LPA: variants seen among roughly 807,000 people sequenced by gnomAD.
The protein encoded by LPA is apolipoprotein(a).
LPA carries 199 observed loss-of-function variants against 197.9 expected under a neutral mutation model. The observed-to-expected ratio is 1.01, with a 90% CI of 0.90 to 1.13. LPA has a LOEUF of 1.13. Among genes scored for constraint, LPA ranks in the 50% most tolerant of loss-of-function variants. The probability of loss-of-function intolerance (pLI) is 0.00; values close to 1 mark genes in which losing one functional copy is unlikely to be tolerated. For missense variants in LPA, 1,853 were observed against 1,785.8 expected (o/e 1.04, Z -0.68); for synonymous variants, 715 against 639.5 (o/e 1.12, Z -1.78).
At chr6:160,581,670 G>A (rs1007241875) in intron 26 of LPA, among the ~76,000 whole-genome samples, 1 of 152,024 alleles carries the variant, frequency 6.6e-6, no homozygotes, top group Admixed American at 6.6e-5. Context: ...ACAAACTTGT[G>A]ATTTTATTCC....
intron 35 of LPA, among the ~76,000 whole-genome samples, chr6:160,540,842 T>G (rs1385015036): frequency 6.6e-6 from 1 of 152,230 alleles, no homozygotes; most frequent in East Asian, 1.9e-4. Flanking sequence ...TCCTGCGGTT[T>G]ATACAGGTCC....
intron 2 of LPA, among the ~76,000 whole-genome samples, chr6:160,648,683 A>G (rs1779949825): frequency 1.3e-5 from 2 of 152,036 alleles, no homozygotes; most frequent in Admixed American, 6.6e-5. Flanking sequence ...TTCTTCTGAA[A>G]TGTCTAACTA....
At chr6:160,609,422 G>A (rs997061812) in intron 16 of LPA, among the ~76,000 whole-genome samples, 2 of 152,096 alleles carry the variant, frequency 1.3e-5, no homozygotes, top group Non-Finnish European at 2.9e-5. Flanking sequence ...ACTCTAGGAA[G>A]ACACAGCTCT....
At chr6:160,654,527 A>G (rs1434231984) in intron 1 of LPA, among the ~76,000 whole-genome samples, 1 of 152,140 alleles carries the variant, frequency 6.6e-6, no homozygotes, top group Non-Finnish European at 1.5e-5. Context: ...CTCCTTGTCA[A>G]CTTGAACCCA....
intron 20 of LPA, among the ~76,000 whole-genome samples, chr6:160,597,843 G>A (rs1205133026): frequency 6.6e-6 from 1 of 152,160 alleles, no homozygotes; most frequent in Admixed American, 6.6e-5. Context: ...GTGTAGTAAA[G>A]TTATAAATTT....
intron 30 of LPA, among the ~76,000 whole-genome samples, chr6:160,552,807 TG>T (rs1322325760): frequency 6.6e-6 from 1 of 152,252 alleles, no homozygotes; most frequent in Non-Finnish European, 1.5e-5. Flanking sequence ...GCCTTTTATT[TG>T]TAATGCTTAA....
chr6:160,556,205 G>A lies in LPA; in HGVS notation c.4814-21C>T, dbSNP rs998636751. On this transcript the variant is annotated intron_variant, in intron 29 of 38. Transcript: ENST00000316300. ...TGGTGCTGAAAATAGACAAAATCAA[G>A]CTGAGTAACTACTAGTATGCAGAAA... 5 of 1,612,918 alleles carry A rather than the reference G, an allele frequency of 3.1e-6. No individual in the cohort carries two copies. In the African/African-American group the frequency reaches 6.7e-5, roughly 22 times the overall value.
intron 18 of LPA, among the ~76,000 whole-genome samples, chr6:160,602,139 C>G (rs1306546678): frequency 6.6e-6 from 1 of 152,104 alleles, no homozygotes; most frequent in Non-Finnish European, 1.5e-5. Context: ...GTGACCTAGT[C>G]TCAAGCCCAG....
chr6:160,541,848 G>A (rs1777986306), intron 34 of LPA, among the ~76,000 whole-genome samples: 1 of 152,188 alleles, frequency 6.6e-6, no homozygotes, highest in Non-Finnish European at 1.5e-5. Context: ...ATATGTGGAA[G>A]GTGAAAGCTC....
chr6:160,658,874 TTA>T lies in LPA; in HGVS notation c.49+5290_49+5291del, dbSNP rs997153544. ...CTAGAGGGACAGAACTAATAGGAGATTATATATATATATATATGAGAGAGAGA... is the reference window on the plus strand; with the variant it reads ...CTAGAGGGACAGAACTAATAGGAGATTATATATATATATATGAGAGAGAGA... On this transcript the variant is annotated intron_variant, in intron 1 of 38. Coordinates refer to ENST00000316300, the MANE Select transcript of LPA (RefSeq NM_005577.4). Among the ~76,000 whole-genome samples, 214 of 134,214 alleles carry T rather than the reference TTA, an allele frequency of 1.6e-3. 1 individual carries two copies. The highest frequency in any genetic ancestry group is 7.1e-3 in the Middle Eastern group (2 of 282). 88.0% of individuals were successfully genotyped at this position (134,214 alleles called of 152,430 possible).
intron 29 of LPA, among the ~76,000 whole-genome samples, 164 bp from the exon 30 acceptor site, chr6:160,556,348 C>G (rs1778263108): frequency 6.6e-6 from 1 of 151,912 alleles, no homozygotes; most frequent in African/African-American, 2.4e-5. Context: ...TAATAACATT[C>G]TAATATTTTA....
intron 1 of LPA, among the ~76,000 whole-genome samples, chr6:160,653,678 G>A (rs752216065): frequency 6.6e-6 from 1 of 151,060 alleles, no homozygotes; most frequent in Non-Finnish European, 1.5e-5. Flanking sequence ...CTATGAGGTC[G>A]TCATCATTCT....
chr6:160,577,047 G>T (rs1407747349), intron 28 of LPA, 89 bp downstream of exon 28: 11 of 1,510,982 alleles, frequency 7.3e-6, no homozygotes, highest in African/African-American at 1.4e-5. Flanking sequence ...AGAGAAATTT[G>T]TCCCTAGGAA....
At chr6:160,547,579 C>A (rs1039624912) in intron 32 of LPA, among the ~76,000 whole-genome samples, 4 of 152,104 alleles carry the variant, frequency 2.6e-5, no homozygotes, top group Non-Finnish European at 4.4e-5. Context: ...CAGCACCCAA[C>A]AATGGAAACA....
rs56164694 is a variant in LPA, at chr6:160,584,170, T to TTTCTTCTTC, written c.4289+867_4289+875dup. On this transcript the variant is annotated intron_variant, in intron 26 of 38. Coordinates refer to ENST00000316300, the MANE Select transcript of LPA (RefSeq NM_005577.4). ...TATAAATATATGCACTCATTTCTATTTTCTTCTTCTTCTTCTTCTTCTTCT... is the reference window on the plus strand; with the variant it reads ...TATAAATATATGCACTCATTTCTATTTTCTTCTTCTTCTTCTTCTTCTTCTTCTTCTTCT... 5.4e-3 allele frequency among the ~76,000 whole-genome samples: 556 copies of TTTCTTCTTC among 103,206 alleles called. 8 individuals are homozygous for TTTCTTCTTC. Among genetic ancestry groups the TTTCTTCTTC allele is most frequent in the Non-Finnish European group, 6.2e-3 (309 of 49,660 alleles). The allele number at this position is 103,206 out of a possible 152,430, so 67.7% of individuals were successfully genotyped here.
intron 35 of LPA, among the ~76,000 whole-genome samples, chr6:160,540,621 T>A (rs899215380): frequency 1.3e-5 from 2 of 152,202 alleles, no homozygotes; most frequent in Non-Finnish European, 2.9e-5. Context: ...GCTCTGGCCA[T>A]GTGACATGCC....
chr6:160,658,982 G>C (rs1385791585), intron 1 of LPA, among the ~76,000 whole-genome samples: 2 of 151,738 alleles, frequency 1.3e-5, no homozygotes, highest in Non-Finnish European at 2.9e-5. Flanking sequence ...CTCACACAAA[G>C]GGGAGCTTAT....
intron 28 of LPA, among the ~76,000 whole-genome samples, chr6:160,567,935 A>G (rs879382776): frequency 7.2e-5 from 11 of 152,210 alleles, no homozygotes; most frequent in Non-Finnish European, 1.6e-4. Flanking sequence ...CCCTACCAAG[A>G]CTAAACCAGA....
At position 160,599,583 on chromosome 6, in the gene LPA, G is replaced by T; in HGVS notation, c.3204C>A (p.Thr1068=). Residue 1068 remains threonine, a synonymous_variant, in exon 20 of 39, where the codon ACC becomes ACA. Transcript: ENST00000316300. ...YGQSYRGTYS[T]TVTGRTCQAW... The stretch of plus-strand genomic sequence containing the variant: ...CTTGGCAAGTTCTTCCTGTGACAGT[G>T]GTGGAGTATGTGCCTCGGTAACTCT... 6.2e-7 allele frequency: 1 copy of T among 1,614,094 alleles called. No individual in the cohort carries two copies. The highest frequency in any genetic ancestry group is 8.5e-7 in the Non-Finnish European group (1 of 1,179,978).
Sources: gnomAD v4.1 joint callset for allele counts (sites outside exome capture counted in the v4.1 genomes callset) on GRCh38, gnomAD v4.1.1 for gene constraint, MANE v1.5 for transcripts, NCBI Gene and HGNC (gene_info 2026-07-23, HGNC 2026-07-21) for gene names.